Variants in TXNL1 observed in about 807,000 individuals in gnomAD.
The protein encoded by TXNL1 is thioredoxin like 1, also known as thioredoxin-like protein 1.
In TXNL1, 14 loss-of-function variants were observed where a neutral mutation model predicts 35.5. That is an observed-to-expected ratio of 0.39 (90% CI 0.26 to 0.62). The LOEUF is 0.62. Among genes scored for constraint, TXNL1 ranks in the 20% least tolerant of loss-of-function variants. TXNL1 has a pLI of 0.47. For synonymous variants in TXNL1, 110 were observed against 115.5 expected (o/e 0.95, Z 0.31); for missense variants, 263 against 349.7 (o/e 0.75, Z 1.98).
intron 3 of TXNL1, among the ~76,000 whole-genome samples, chr18:56,619,260 G>C (rs2024141543): frequency 6.6e-6 from 1 of 151,102 alleles, no homozygotes; most frequent in South Asian, 2.1e-4. Flanking sequence ...TTGGAGGCCG[G>C]GTCGGGGTGG....
chr18:56,606,102 A>C (rs1172315808), intron 7 of TXNL1, among the ~76,000 whole-genome samples: 1 of 152,210 alleles, frequency 6.6e-6, no homozygotes, highest in Non-Finnish European at 1.5e-5. Flanking sequence ...TAGGCCAGGC[A>C]TGGTGGCTCA....
chr18:56,605,141 C>T (rs2023869166), intron 7 of TXNL1: 1 of 151,294 alleles, frequency 6.6e-6, no homozygotes, highest in Admixed American at 6.6e-5. Flanking sequence ...TTAAGAAACA[C>T]AACTAGGATG....
intron 1 of TXNL1, among the ~76,000 whole-genome samples, chr18:56,631,920 CA>C (rs539527338): frequency 0.019 from 1,386 of 71,384 alleles, 11 homozygotes; most frequent in East Asian, 0.078. Flanking sequence ...AACTCTGTCT[CA>C]AAAAAAAAAA....
chr18:56,603,920 A>T (rs1598909504), intron 7 of TXNL1, among the ~76,000 whole-genome samples: 1 of 152,270 alleles, frequency 6.6e-6, no homozygotes, highest in African/African-American at 2.4e-5. Flanking sequence ...TAATTTTCGT[A>T]TTTTACATTG....
intron 1 of TXNL1, among the ~76,000 whole-genome samples, chr18:56,636,922 C>G (rs1024682342): frequency 6.6e-5 from 10 of 152,046 alleles, no homozygotes; most frequent in African/African-American, 2.4e-4. Flanking sequence ...CAGGTATTCC[C>G]CTATTATTAA....
intron 5 of TXNL1, 143 bp from the exon 6 acceptor site, chr18:56,614,739 A>T: frequency 1.4e-6 from 1 of 725,304 alleles, no homozygotes; most frequent in Non-Finnish European, 2.1e-6. Context: ...AACTTGTACA[A>T]AAGTCTGAGT....
chr18:56,615,884 G>C (rs645985), intron 5 of TXNL1, among the ~76,000 whole-genome samples: 144,170 of 152,220 alleles, frequency 0.95, 68,772 homozygotes, highest in East Asian at 1. Flanking sequence ...AATCTTAGCA[G>C]TCTGGGAGGC....
rs972841097 is a variant in TXNL1, at chr18:56,614,410, G to A, written c.735+14C>T. On this transcript the variant is annotated intron_variant, in intron 6 of 7. Coordinates refer to ENST00000217515, the MANE Select transcript of TXNL1 (RefSeq NM_004786.3). Reference sequence around the variant, plus strand: ...ACAAACCTATTAAATACATATGAACGAAATACTACTTACAGTTACACTGTT... The same window carrying A: ...ACAAACCTATTAAATACATATGAACAAAATACTACTTACAGTTACACTGTT... 3 of 1,607,844 alleles carry A rather than the reference G, an allele frequency of 1.9e-6. No homozygotes were observed. Among genetic ancestry groups the A allele is most frequent in the Non-Finnish European group, 2.5e-6 (3 of 1,176,600 alleles).
rs2023776529 is a variant in TXNL1, at chr18:56,599,045, A to G, written c.*3982T>C. 1 of 152,246 alleles carries G rather than the reference A, an allele frequency of 6.6e-6. No homozygotes were observed. Among genetic ancestry groups the G allele is most frequent in the Admixed American group, 6.5e-5 (1 of 15,288 alleles). The allele number at this position is 152,246 out of a possible 1,614,324, so 9.4% of individuals were successfully genotyped here. On this transcript the variant is annotated 3_prime_UTR_variant, in exon 8 of 8. Transcript: ENST00000217515. ...CCTCTTCCCATAGAGAAGCATAGCA[A>G]GCACGAAGGAAAAATACTCTAGCAG... is the stretch of plus-strand genomic sequence containing the variant.
intron 7 of TXNL1, chr18:56,610,286 G>A (rs1306605848): frequency 1.3e-5 from 2 of 152,268 alleles, no homozygotes; most frequent in Admixed American, 1.3e-4. Flanking sequence ...GATAATCTCT[G>A]GCTGTATATT....
Position 56,638,453 on chromosome 18 carries a change from C to G in TXNL1, c.-13G>C, listed in dbSNP as rs1204325406. 6.2e-7 allele frequency: 1 copy of G among 1,608,434 alleles called. No individual in the cohort carries two copies. The highest frequency in any genetic ancestry group is 1.1e-5 in the South Asian group (1 of 90,524). Reference sequence around the variant, plus strand: ...TCACCCCCACCATCCTCACAGAGAGCCCGGCAGGGTGGCCGCGACGCCACT... The same window carrying G: ...TCACCCCCACCATCCTCACAGAGAGGCCGGCAGGGTGGCCGCGACGCCACT... On this transcript the variant is annotated 5_prime_UTR_variant, in exon 1 of 8. Transcript: ENST00000217515.
At chr18:56,622,098 T>G (rs2024198630) in intron 3 of TXNL1, among the ~76,000 whole-genome samples, 2 of 151,880 alleles carry the variant, frequency 1.3e-5, no homozygotes, top group Admixed American at 6.6e-5. Context: ...TGTGGCAATT[T>G]AAAATTAAAT....
chr18:56,617,908 G>C, intron 4 of TXNL1, 96 bp downstream of exon 4: 1 of 1,439,666 alleles, frequency 6.9e-7, no homozygotes, highest in Non-Finnish European at 9.6e-7. Context: ...GTGATCATCT[G>C]GGAAGGAGAG....
At chr18:56,605,491 C>T (rs1260193294) in intron 7 of TXNL1, among the ~76,000 whole-genome samples, 1 of 151,218 alleles carries the variant, frequency 6.6e-6, no homozygotes, top group Non-Finnish European at 1.5e-5. Context: ...TCACATGCAC[C>T]TCATTTCCTA....
intron 1 of TXNL1, among the ~76,000 whole-genome samples, chr18:56,634,905 A>C (rs1405161305): frequency 1.3e-5 from 2 of 152,188 alleles, no homozygotes; most frequent in Admixed American, 1.3e-4. Flanking sequence ...ATTAAATATT[A>C]ACATCCGGCA....
chr18:56,616,412 A>G, intron 4 of TXNL1, 98 bp from the exon 5 acceptor site: 5 of 1,129,624 alleles, frequency 4.4e-6, no homozygotes, highest in Non-Finnish European at 6.3e-6. Context: ...GAAAAAAAAA[A>G]CCAACCTAAT....
chr18:56,604,689 C>G (rs2144274424), intron 7 of TXNL1, among the ~76,000 whole-genome samples: 1 of 152,176 alleles, frequency 6.6e-6, no homozygotes, highest in African/African-American at 2.4e-5. Flanking sequence ...TCCATAAGTC[C>G]TTCAACTGGT....
chr18:56,616,254 G>A lies in TXNL1; in HGVS notation c.553C>T (p.Pro185Ser), dbSNP rs1399881215. 1 of 1,613,264 alleles carries A rather than the reference G, an allele frequency of 6.2e-7. No homozygotes were observed. Among genetic ancestry groups the A allele is most frequent in the Non-Finnish European group, 8.5e-7 (1 of 1,179,604 alleles). ...GCTATCCTTTACTCACCATTATCTG[G>A]CCCTTGAAATTTCATGGAATAAAGC... is the stretch of plus-strand genomic sequence containing the variant. The part of the protein sequence containing the change: ...VKLYSMKFQG[P>S]DNGQGPKYVK... Residue 185 changes from proline (P) to serine (S), a missense_variant, in exon 5 of 8, where the codon CCA becomes TCA. Transcript: ENST00000217515.
chr18:56,633,145 C>G (rs2024400456), intron 1 of TXNL1, among the ~76,000 whole-genome samples: 1 of 150,140 alleles, frequency 6.7e-6, no homozygotes, highest in South Asian at 2.1e-4. Flanking sequence ...AACCCCACCT[C>G]TACAAAAATT....
Sources: allele counts gnomAD v4.1 joint callset (sites outside exome capture counted in the v4.1 genomes callset), GRCh38; gene constraint gnomAD v4.1.1; transcripts MANE v1.5; gene names NCBI Gene and HGNC (gene_info 2026-07-23, HGNC 2026-07-21).